The following SLC43A2 variants were observed in gnomAD, a reference collection of about 807,000 sequenced individuals.
SLC43A2 encodes solute carrier family 43 member 2.
Under a neutral mutation model 63.2 loss-of-function variants are expected in SLC43A2, and 38 were observed. That is an observed-to-expected ratio of 0.60 (90% CI 0.46 to 0.79). SLC43A2 has a LOEUF of 0.79. Among genes scored for constraint, SLC43A2 ranks in the 30% least tolerant of loss-of-function variants. SLC43A2 has a pLI of 0.00. For synonymous variants in SLC43A2, 322 were observed against 331.0 expected (o/e 0.97, Z 0.30); for missense variants, 644 against 756.2 (o/e 0.85, Z 1.74).
chr17:1,620,786 AC>A (rs1237937240), intron 2 of SLC43A2, among the ~76,000 whole-genome samples: 8 of 151,954 alleles, frequency 5.3e-5, no homozygotes, highest in Non-Finnish European at 8.8e-5. Flanking sequence ...AAACAGACAC[AC>A]CCAGGCTGTT....
chr17:1,614,177 A>G (rs1287293803), intron 4 of SLC43A2, among the ~76,000 whole-genome samples: 1 of 152,102 alleles, frequency 6.6e-6, no homozygotes, highest in African/African-American at 2.4e-5. Context: ...CGGGAGGTGG[A>G]GGTTGCAGTG....
rs569787975 is a variant in SLC43A2 at position 1,602,092 on chromosome 17, G to A, written c.502-8813C>T. Among the ~76,000 whole-genome samples, 16 of 152,260 alleles carry A rather than the reference G, an allele frequency of 1.1e-4. No homozygotes were observed. The South Asian group carries it at 1.4e-3, about 14-fold the overall frequency. On this transcript the variant is annotated intron_variant, in intron 5 of 13. Coordinates refer to ENST00000301335, the MANE Select transcript of SLC43A2 (RefSeq NM_152346.3). ...TGCACTGTGACTACCCCAGGTGTGC[G>A]CCGCCCTCCTGAAGGTGCGTGTGGG...
At chr17:1,600,152 A>ATATATATATATATATATATATATATAT (rs1216616243) in intron 5 of SLC43A2, among the ~76,000 whole-genome samples, 1 of 60,280 alleles carries the variant, frequency 1.7e-5, no homozygotes, top group Admixed American at 3.3e-4. Flanking sequence ...ATATATATAT[A>ATATATATATATATATATATATATATAT]TTTTTTTTTT....
In SLC43A2 at chr17:1,578,336, A is replaced by G. The variant is rs1360780015; in HGVS notation, c.1351-13T>C. The G allele has an allele frequency of 1.2e-6, 2 of 1,613,456 alleles. No individual in the cohort carries two copies. The highest frequency in any genetic ancestry group is 2.2e-5 in the East Asian group (1 of 44,866). On this transcript the variant is annotated splice_polypyrimidine_tract_variant and intron_variant, in intron 11 of 13. Coordinates refer to ENST00000301335, the MANE Select transcript of SLC43A2 (RefSeq NM_152346.3). The surrounding 1 kb of genome is among the most constrained non-coding windows in gnomAD (Gnocchi z 6.5). ...TGAAGGAGAGGATCTGGGGGAGGAA[A>G]AGGCGACTGTGGGCATAAGGCCTTA...
At chr17:1,587,313 G>A (rs916138795) in intron 9 of SLC43A2, among the ~76,000 whole-genome samples, 1 of 152,350 alleles carries the variant, frequency 6.6e-6, no homozygotes. Context: ...AAGACCTGGT[G>A]CAATCAGGGT....
chr17:1,599,828 A>G (rs945511203), intron 5 of SLC43A2, among the ~76,000 whole-genome samples: 5 of 151,336 alleles, frequency 3.3e-5, no homozygotes, highest in African/African-American at 1.2e-4. Context: ...GTGGATCATG[A>G]GGTCAGGAGA....
chr17:1,607,652 C>T (rs146285504), intron 5 of SLC43A2, among the ~76,000 whole-genome samples: 89 of 152,086 alleles, frequency 5.9e-4, no homozygotes, highest in African/African-American at 1.9e-3. Context: ...GGAACAGTGA[C>T]GTAGCAGCTT....
At position 1,576,760 on chromosome 17, in the gene SLC43A2, G is replaced by A. The variant is rs753394722; in HGVS notation, c.1425-40C>T. The A allele has an allele frequency of 1.8e-5, 29 of 1,598,228 alleles. No individual in the cohort carries two copies. The South Asian group carries it at 2.9e-4, about 16-fold the overall frequency. On this transcript the variant is annotated intron_variant, in intron 12 of 13. Coordinates refer to ENST00000301335, the MANE Select transcript of SLC43A2 (RefSeq NM_152346.3). Reference sequence around the variant, plus strand: ...ACAGCTCACAGCCATCCTGCCTCCTGGGCTTTGCTTGGCCCCAGGTGTCTG... The same window carrying A: ...ACAGCTCACAGCCATCCTGCCTCCTAGGCTTTGCTTGGCCCCAGGTGTCTG...
Position 1,583,195 on chromosome 17 carries a change from C to A in SLC43A2, c.1350+9G>T. ...CCTCCCACCTGCCCCTCCCACTCCCCACACCCACCTGGAGAGGCAGGTTGG... is the reference window on the plus strand; with the variant it reads ...CCTCCCACCTGCCCCTCCCACTCCCAACACCCACCTGGAGAGGCAGGTTGG... On this transcript the variant is annotated intron_variant, in intron 11 of 13. Coordinates refer to ENST00000301335, the MANE Select transcript of SLC43A2 (RefSeq NM_152346.3). This position sits in a 1 kb window ranked among gnomAD's most constrained non-coding sequence, Gnocchi z 5.5. 6.2e-7 allele frequency: 1 copy of A among 1,613,612 alleles called. No individual in the cohort carries two copies.
Position 1,571,053 on chromosome 17 carries a change from G to A in SLC43A2, c.*4551C>T, listed in dbSNP as rs1055987502. 7.2e-5 allele frequency: 11 copies of A among 151,988 alleles called. No individual in the cohort carries two copies. Among genetic ancestry groups the A allele is most frequent in the African/African-American group, 2.4e-4 (10 of 40,924 alleles). The allele number at this position is 151,988 out of a possible 1,614,324, so 9.4% of individuals were successfully genotyped here. On this transcript the variant is annotated 3_prime_UTR_variant, in exon 14 of 14. Coordinates refer to ENST00000301335, the MANE Select transcript of SLC43A2 (RefSeq NM_152346.3). This position sits in a 1 kb window ranked among gnomAD's most constrained non-coding sequence, Gnocchi z 5.2. ...GGCTCAGTCTCAGAGCTGCCCGGAG[G>A]GGGTGAGGATGGCTAACTTAAGGAG...
intron 2 of SLC43A2, among the ~76,000 whole-genome samples, chr17:1,621,646 C>T (rs938561753): frequency 6.6e-6 from 1 of 152,364 alleles, no homozygotes; most frequent in Middle Eastern, 3.4e-3. Context: ...TGTGTGCCAG[C>T]TGCCATGCTC....
At chr17:1,595,327 A>C (rs368558022) in intron 5 of SLC43A2, among the ~76,000 whole-genome samples, 2 of 150,654 alleles carry the variant, frequency 1.3e-5, no homozygotes, top group East Asian at 1.9e-4. Context: ...TCTGTTGCCC[A>C]GGTGGGAGTG....
rs1213474780 is a variant in SLC43A2, at chr17:1,569,790, A to G, written c.*5814T>C. The G allele has an allele frequency of 6.6e-6, 1 of 152,190 alleles. No individual in the cohort carries two copies. Among genetic ancestry groups the G allele is most frequent in the Non-Finnish European group, 1.5e-5 (1 of 68,024 alleles). The allele number at this position is 152,190 out of a possible 1,614,324, so 9.4% of individuals were successfully genotyped here. A position where few individuals can be genotyped will look rare whatever the true frequency, so the allele number is the denominator to read the frequency against. Reference sequence around the variant, plus strand: ...CAAGTCTTACCAAAACGTGAAAGCCACAAAAGAAAAGTGAACGAGAGAAGA... The same window carrying G: ...CAAGTCTTACCAAAACGTGAAAGCCGCAAAAGAAAAGTGAACGAGAGAAGA... On this transcript the variant is annotated 3_prime_UTR_variant, in exon 14 of 14. Transcript: ENST00000301335.
intron 2 of SLC43A2, among the ~76,000 whole-genome samples, chr17:1,619,121 A>G (rs1267522610): frequency 6.6e-6 from 1 of 152,112 alleles, no homozygotes; most frequent in Non-Finnish European, 1.5e-5. Flanking sequence ...CCTGGCCAAT[A>G]TGGTGAAACC....
chr17:1,612,690 G>T (rs1907232319), intron 5 of SLC43A2, among the ~76,000 whole-genome samples: 1 of 152,250 alleles, frequency 6.6e-6, no homozygotes, highest in Non-Finnish European at 1.5e-5. Context: ...AGGGAATGTC[G>T]GCCAGGCCAG....
intron 9 of SLC43A2, among the ~76,000 whole-genome samples, chr17:1,589,107 C>A (rs575699525): frequency 6.6e-6 from 1 of 152,340 alleles, no homozygotes; most frequent in East Asian, 1.9e-4. Context: ...TGCCACAGAC[C>A]AACCTTCCTG....
chr17:1,629,328 C>G (rs995248229), upstream of SLC43A2, among the ~76,000 whole-genome samples: 3 of 152,134 alleles, frequency 2.0e-5, no homozygotes, highest in African/African-American at 7.2e-5. Context: ...ACCCCGCCTC[C>G]TCCCCACGCA....
chr17:1,627,664 C>CCCCAAACCCCCCCG, intron 2 of SLC43A2, 51 bp downstream of exon 2: 1 of 985,964 alleles, frequency 1.0e-6, no homozygotes, highest in Non-Finnish European at 1.4e-6. Context: ...CCCGCCCCCT[C>CCCCAAACCCCCCCG]CCAAAGCCCC....
At chr17:1,624,473 C>CG (rs1490120840) in intron 2 of SLC43A2, among the ~76,000 whole-genome samples, 1 of 151,528 alleles carries the variant, frequency 6.6e-6, no homozygotes, top group Non-Finnish European at 1.5e-5. Context: ...GAGGCCAAGG[C>CG]GGGTGGATCA....
Sources: allele counts gnomAD v4.1 joint callset (sites outside exome capture counted in the v4.1 genomes callset), GRCh38; gene constraint gnomAD v4.1.1; non-coding constraint Gnocchi (gnomAD v3.1); transcripts MANE v1.5; gene names NCBI Gene and HGNC (gene_info 2026-07-23, HGNC 2026-07-21).